Variants in GULP1 observed in about 807,000 individuals in gnomAD.
GULP1 encodes GULP PTB domain containing engulfment adaptor 1.
In GULP1, 19 loss-of-function variants were observed where a neutral mutation model predicts 40.9. The ratio of observed to expected loss-of-function variants is 0.46; its 90% confidence interval spans 0.32 to 0.68. The LOEUF (loss-of-function observed/expected upper bound fraction) is 0.68, where lower values mean the gene tolerates loss of function less well. Ranked by LOEUF, GULP1 falls within the 30% of genes least tolerant of loss-of-function variation. The pLI, the probability that GULP1 is intolerant of heterozygous loss-of-function variation, is 0.03. For missense variants in GULP1, 312 were observed against 362.2 expected (o/e 0.86, Z 1.12); for synonymous variants, 119 against 117.6 (o/e 1.01, Z -0.08).
At chr2:188,487,793 AGTTTTACATATGACACGTGCACT>A (rs1239274041) in intron 4 of GULP1, among the ~76,000 whole-genome samples, 1 of 151,998 alleles carries the variant, frequency 6.6e-6, no homozygotes, top group Non-Finnish European at 1.5e-5. Flanking sequence ...GAGGTGTCAG[AGTTTTACATATGACACGTGCACT>A]GTTTGCCACT....
At chr2:188,514,854 G>A (rs2065017302) in intron 4 of GULP1, among the ~76,000 whole-genome samples, 1 of 151,996 alleles carries the variant, frequency 6.6e-6, no homozygotes, top group South Asian at 2.1e-4. Context: ...ATTCCCTTTC[G>A]ATCCATCTAA....
rs528873621 is a variant in GULP1, at chr2:188,566,935, A to G, written c.400-2304A>G. ...TTGCAAGGAACTTAAACTTATTTAT[A>G]AGAAAAAAACAACCCCATCACAAAG... On this transcript the variant is annotated intron_variant, in intron 7 of 11. Transcript: ENST00000409830. Among the ~76,000 whole-genome samples the G allele has an allele frequency of 5.9e-5, 9 of 152,254 alleles. No individual in the cohort carries two copies. The South Asian group carries it at 1.9e-3, about 32-fold the overall frequency.
At chr2:188,303,062 G>A (rs1046928690) in intron 1 of GULP1, among the ~76,000 whole-genome samples, 9 of 152,106 alleles carry the variant, frequency 5.9e-5, no homozygotes, top group Non-Finnish European at 1.3e-4. Flanking sequence ...ATAATGTCAT[G>A]AATCATTTTT....
intron 2 of GULP1, among the ~76,000 whole-genome samples, chr2:188,435,187 C>T (rs964418389): frequency 6.6e-6 from 1 of 151,970 alleles, no homozygotes; most frequent in Non-Finnish European, 1.5e-5. Flanking sequence ...CCAAAATTTA[C>T]CTTTAATATA....
chr2:188,517,517 T>G (rs1046217296), intron 4 of GULP1, among the ~76,000 whole-genome samples: 3 of 152,110 alleles, frequency 2.0e-5, no homozygotes, highest in African/African-American at 7.2e-5. Context: ...CTGTTTTTTT[T>G]CCCCCAGTCT....
intron 7 of GULP1, among the ~76,000 whole-genome samples, chr2:188,553,802 A>G (rs1425055554): frequency 6.6e-6 from 1 of 151,948 alleles, no homozygotes; most frequent in African/African-American, 2.4e-5. Context: ...TTGTTGAGAC[A>G]GTTTTTATTA....
chr2:188,294,642 AAG>A (rs1474713863), intron 1 of GULP1, among the ~76,000 whole-genome samples: 2 of 152,166 alleles, frequency 1.3e-5, no homozygotes, highest in African/African-American at 4.8e-5. Context: ...CTCTGTATTT[AAG>A]AGTTTGAGAT....
chr2:188,450,953 A>G (rs1030174643), intron 2 of GULP1, among the ~76,000 whole-genome samples: 1 of 152,182 alleles, frequency 6.6e-6, no homozygotes, highest in African/African-American at 2.4e-5. Flanking sequence ...CTGCCAAGCA[A>G]GTAGGAAGTT....
chr2:188,473,822 C>G (rs953121666), intron 2 of GULP1, among the ~76,000 whole-genome samples: 1 of 152,106 alleles, frequency 6.6e-6, no homozygotes, highest in Non-Finnish European at 1.5e-5. Flanking sequence ...TTACTTTTCC[C>G]TCCACTTTTC....
At chr2:188,486,609 A>G (rs1335561929) in intron 4 of GULP1, among the ~76,000 whole-genome samples, 1 of 151,962 alleles carries the variant, frequency 6.6e-6, no homozygotes, top group Non-Finnish European at 1.5e-5. Context: ...TTTTATTTCT[A>G]CATTCTTTCA....
intron 2 of GULP1, among the ~76,000 whole-genome samples, chr2:188,440,676 C>T (rs1401882945): frequency 1.3e-5 from 2 of 152,076 alleles, no homozygotes; most frequent in Non-Finnish European, 2.9e-5. Flanking sequence ...GCATTTCTCT[C>T]GCCTCAGCCT....
chr2:188,570,058 C>T lies in GULP1; in HGVS notation c.547C>T (p.Leu183Phe), dbSNP rs1196196734. The change falls in exon 9 of 12, where the codon CTT (leucine) becomes TTT (phenylalanine). Residue 183 changes from leucine (L) to phenylalanine (F), a missense_variant. Coordinates refer to ENST00000409830, the MANE Select transcript of GULP1 (RefSeq NM_016315.4). ...AGACTTAGAAACAGAAAATATGGAA[C>T]TTAAAAATAAAGTACAAGATTTGGA... is the stretch of plus-strand genomic sequence containing the variant. ...IQDLETENME[L>F]KNKVQDLENQ... is the part of the protein sequence containing the mutation. The T allele has an allele frequency of 2.8e-6, 4 of 1,423,342 alleles. No homozygotes were observed. Among genetic ancestry groups the T allele is most frequent in the African/African-American group, 1.4e-5 (1 of 69,710 alleles). 88.2% of individuals were successfully genotyped at this position (1,423,342 alleles called of 1,614,324 possible).
At chr2:188,517,477 C>G (rs2065288071) in intron 4 of GULP1, among the ~76,000 whole-genome samples, 1 of 151,880 alleles carries the variant, frequency 6.6e-6, no homozygotes, top group African/African-American at 2.4e-5. Flanking sequence ...TATTGCGCTC[C>G]CTCTACTTTT....
intron 9 of GULP1, among the ~76,000 whole-genome samples, chr2:188,580,793 T>C (rs1008686616): frequency 6.6e-6 from 1 of 152,146 alleles, no homozygotes; most frequent in Non-Finnish European, 1.5e-5. Context: ...TCCTTAAAAT[T>C]CTAATTTTAG....
intron 2 of GULP1, among the ~76,000 whole-genome samples, chr2:188,430,344 A>G (rs781695572): frequency 6.6e-6 from 1 of 152,226 alleles, no homozygotes; most frequent in Non-Finnish European, 1.5e-5. Context: ...TTTGTTTCTT[A>G]AGCTAGTTAT....
At chr2:188,533,980 CAG>C (rs1688244313) in intron 6 of GULP1, among the ~76,000 whole-genome samples, 1 of 152,154 alleles carries the variant, frequency 6.6e-6, no homozygotes, top group South Asian at 2.1e-4. Context: ...TCAAAAATAA[CAG>C]ATGCTGGTGA....
At chr2:188,530,518 G>A (rs1687258623) in intron 6 of GULP1, among the ~76,000 whole-genome samples, 1 of 152,082 alleles carries the variant, frequency 6.6e-6, no homozygotes, top group Non-Finnish European at 1.5e-5. Context: ...AGGTAACTTA[G>A]GTTAAATGAG....
At chr2:188,501,030 T>G (rs1326854975) in intron 4 of GULP1, among the ~76,000 whole-genome samples, 1 of 151,962 alleles carries the variant, frequency 6.6e-6, no homozygotes, top group Non-Finnish European at 1.5e-5. Flanking sequence ...GATACTGTAG[T>G]TATAATGACC....
chr2:188,407,297 A>G (rs762329843), intron 2 of GULP1, among the ~76,000 whole-genome samples: 4 of 152,238 alleles, frequency 2.6e-5, no homozygotes, highest in Non-Finnish European at 5.9e-5. Context: ...AATTACTACC[A>G]TGAAAACAGG....
Sources: allele counts gnomAD v4.1 joint callset (sites outside exome capture counted in the v4.1 genomes callset), GRCh38; gene constraint gnomAD v4.1.1; transcripts MANE v1.5; gene names NCBI Gene and HGNC (gene_info 2026-07-23, HGNC 2026-07-21).